SLC16A7: variants seen among roughly 807,000 people sequenced by gnomAD.
The protein encoded by SLC16A7 is monocarboxylate transporter 2.
Under a neutral mutation model 34.9 loss-of-function variants are expected in SLC16A7, and 33 were observed. The observed-to-expected ratio is 0.94, with a 90% confidence interval of 0.72 to 1.26. The LOEUF is 1.26. Among genes scored for constraint, SLC16A7 ranks in the 50% most tolerant of loss-of-function variants. The pLI is 0.00. For missense variants in SLC16A7, 573 were observed against 578.1 expected, an observed-to-expected ratio of 0.99 and a Z score of 0.09; for synonymous variants, 201 against 206.6, an observed-to-expected ratio of 0.97 and a Z score of 0.23.
chr12:59,613,769 A>G (rs1592390979), intron 1 of SLC16A7, among the ~76,000 whole-genome samples: 1 of 152,304 alleles, frequency 6.6e-6, no homozygotes, highest in African/African-American at 2.4e-5. Context: ...AGCATGGAAC[A>G]TCTGTGTTTT....
chr12:59,623,046 CTGTGTGTGTGTGTGTGTGTG>C lies in SLC16A7; in HGVS notation c.-130+26838_-130+26857del, dbSNP rs57399813. ...ATAAATAGCATTTCCCTACTGAATG[CTGTGTGTGTGTGTGTGTGTG>C]TGTGTGTGTGTGTGTGTGTGTGTGT... On this transcript the variant is annotated intron_variant, in intron 1 of 5. Coordinates refer to ENST00000547379, the MANE Select transcript of SLC16A7 (RefSeq NM_001270623.2). 3.0e-5 allele frequency among the ~76,000 whole-genome samples: 4 copies of C among 134,904 alleles called. No homozygotes were observed. The Admixed American group carries it at 3.0e-4, about 10-fold the overall frequency. The allele number at this position is 134,904 out of a possible 152,430, so 88.5% of individuals were successfully genotyped here.
chr12:59,772,465 A>G (rs1882327313), intron 4 of SLC16A7, among the ~76,000 whole-genome samples: 1 of 152,190 alleles, frequency 6.6e-6, no homozygotes, highest in African/African-American at 2.4e-5. Context: ...CACTACAGAT[A>G]TCAATGGCAT....
chr12:59,754,869 G>T (rs140085654), intron 3 of SLC16A7, among the ~76,000 whole-genome samples: 117 of 152,150 alleles, frequency 7.7e-4, no homozygotes, highest in African/African-American at 2.7e-3. Flanking sequence ...TAAAATACTG[G>T]CAAAACGAAT....
chr12:59,672,294 G>GTA (rs1442122511), intron 2 of SLC16A7, among the ~76,000 whole-genome samples: 1 of 121,130 alleles, frequency 8.3e-6, no homozygotes, highest in African/African-American at 2.8e-5. Context: ...ATATATATGT[G>GTA]TATATATATA....
chr12:59,775,331 T>C lies in SLC16A7; in HGVS notation c.1036T>C (p.Phe346Leu). The change falls in exon 5 of 6, where the codon TTT (phenylalanine) becomes CTT (leucine). Residue 346 changes from phenylalanine (F) to leucine (L), a missense_variant. Transcript: ENST00000547379. ...DYTSLVLYAVFFGLGFGSVSS... is the reference protein window; with the variant it reads ...DYTSLVLYAVLFGLGFGSVSS... Reference sequence around the variant, plus strand: ...CACAAGCCTGGTATTATATGCTGTATTTTTTGGCCTTGGATTTGGGAGTGT... The same window carrying C: ...CACAAGCCTGGTATTATATGCTGTACTTTTTGGCCTTGGATTTGGGAGTGT... 1 of 1,614,020 alleles carries C rather than the reference T, an allele frequency of 6.2e-7. No individual in the cohort carries two copies. Among genetic ancestry groups the C allele is most frequent in the South Asian group, 1.1e-5 (1 of 91,088 alleles).
intron 3 of SLC16A7, among the ~76,000 whole-genome samples, chr12:59,746,844 T>C (rs1287018641): frequency 6.6e-6 from 1 of 152,214 alleles, no homozygotes; most frequent in Non-Finnish European, 1.5e-5. Context: ...TGTATGTGTT[T>C]TTGCTTTTGT....
intron 2 of SLC16A7, among the ~76,000 whole-genome samples, chr12:59,691,765 A>G (rs1334603544): frequency 2.6e-5 from 4 of 152,174 alleles, no homozygotes; most frequent in African/African-American, 9.6e-5. Context: ...GTTATATGAT[A>G]TTAACACTTT....
chr12:59,785,168 T>G lies in SLC16A7; in HGVS notation c.*5489T>G, dbSNP rs1883522031. Reference sequence around the variant, plus strand: ...TGCATGATCAAAATTACAAATTATCTTTGTTGATACAATTAAAAATGAGTA... The same window carrying G: ...TGCATGATCAAAATTACAAATTATCGTTGTTGATACAATTAAAAATGAGTA... On this transcript the variant is annotated 3_prime_UTR_variant, in exon 6 of 6. Coordinates refer to ENST00000547379, the MANE Select transcript of SLC16A7 (RefSeq NM_001270623.2). 1 of 152,198 alleles carries G rather than the reference T, an allele frequency of 6.6e-6. No individual in the cohort carries two copies. The highest frequency in any genetic ancestry group is 2.4e-5 in the African/African-American group (1 of 41,454). The allele number at this position is 152,198 out of a possible 1,614,324, so 9.4% of individuals were successfully genotyped here. A position where few individuals can be genotyped will look rare whatever the true frequency, so the allele number is the denominator to read the frequency against.
intron 3 of SLC16A7, among the ~76,000 whole-genome samples, chr12:59,710,417 T>C (rs532034532): frequency 6.6e-6 from 1 of 152,202 alleles, no homozygotes; most frequent in Non-Finnish European, 1.5e-5. Flanking sequence ...GAAATCTGTG[T>C]GTCTCTTCCA....
intron 1 of SLC16A7, among the ~76,000 whole-genome samples, chr12:59,612,295 G>T (rs1300292911): frequency 6.6e-6 from 1 of 152,174 alleles, no homozygotes; most frequent in Non-Finnish European, 1.5e-5. Context: ...CCAAGGCTTG[G>T]GGCTCGCCCT....
rs116271345 is a variant in SLC16A7 at position 59,737,805 on chromosome 12, T to C, written c.217+32787T>C. Reference sequence around the variant, plus strand: ...AACTGATACTTGGGGTATGGTCCTGTTTTTATCCTGTCAACTCTTATACCA... The same window carrying C: ...AACTGATACTTGGGGTATGGTCCTGCTTTTATCCTGTCAACTCTTATACCA... On this transcript the variant is annotated intron_variant, in intron 3 of 5. Coordinates refer to ENST00000547379, the MANE Select transcript of SLC16A7 (RefSeq NM_001270623.2). Among the ~76,000 whole-genome samples the C allele has an allele frequency of 6.6e-3, 1,010 of 152,216 alleles. 13 individuals carry two copies. Among genetic ancestry groups the C allele is most frequent in the African/African-American group, 0.023 (974 of 41,526 alleles).
chr12:59,691,249 C>T (rs1277700115), intron 2 of SLC16A7, among the ~76,000 whole-genome samples: 4 of 152,046 alleles, frequency 2.6e-5, no homozygotes, highest in South Asian at 2.1e-4. Flanking sequence ...ACCAAGCTTG[C>T]GGATTGCAGC....
chr12:59,744,502 T>A (rs1015805103), intron 3 of SLC16A7, among the ~76,000 whole-genome samples: 13 of 152,060 alleles, frequency 8.5e-5, no homozygotes, highest in African/African-American at 2.9e-4. Context: ...GGCAACAAAA[T>A]CCTCCATATT....
chr12:59,662,742 AC>A (rs1223476230), intron 2 of SLC16A7, among the ~76,000 whole-genome samples: 3 of 152,136 alleles, frequency 2.0e-5, no homozygotes, highest in Non-Finnish European at 4.4e-5. Flanking sequence ...TAAAGGTGTT[AC>A]TGTGATTACA....
intron 3 of SLC16A7, among the ~76,000 whole-genome samples, chr12:59,744,927 C>T (rs1305895956): frequency 3.3e-5 from 5 of 152,054 alleles, no homozygotes; most frequent in Admixed American, 6.6e-5. Flanking sequence ...CTGAAGTGGC[C>T]GGCTACATCC....
rs147545376 is a variant in SLC16A7 at position 59,774,776 on chromosome 12, T to A, written c.481T>A (p.Leu161Met). 1 of 1,613,984 alleles carries A rather than the reference T, an allele frequency of 6.2e-7. No individual in the cohort carries two copies. The highest frequency in any genetic ancestry group is 2.2e-5 in the East Asian group (1 of 44,858). ...MAGSPVFLSS[L>M]APFNQYLFNT... Reference sequence around the variant, plus strand: ...AGGAAGTCCTGTTTTCTTAAGTTCATTGGCTCCTTTCAATCAGTACCTTTT... The same window carrying A: ...AGGAAGTCCTGTTTTCTTAAGTTCAATGGCTCCTTTCAATCAGTACCTTTT... Residue 161 changes from leucine (L) to methionine (M), a missense_variant, in exon 5 of 6, where the codon TTG becomes ATG. Coordinates refer to ENST00000547379, the MANE Select transcript of SLC16A7 (RefSeq NM_001270623.2).
chr12:59,778,935 G>A (rs532009537), intron 5 of SLC16A7, among the ~76,000 whole-genome samples: 6 of 152,194 alleles, frequency 3.9e-5, no homozygotes, highest in Non-Finnish European at 2.9e-5. Flanking sequence ...CTAGTATGGG[G>A]CATAGAGAAA....
intron 1 of SLC16A7, among the ~76,000 whole-genome samples, chr12:59,614,701 C>A (rs1879356528): frequency 1.3e-5 from 2 of 150,938 alleles, no homozygotes; most frequent in Admixed American, 6.6e-5. Context: ...AAATGAGGAT[C>A]CAGCCGGGCA....
chr12:59,611,848 C>T (rs1466568776), intron 1 of SLC16A7, among the ~76,000 whole-genome samples: 4 of 152,174 alleles, frequency 2.6e-5, no homozygotes, highest in Admixed American at 2.6e-4. Flanking sequence ...CCTTTGACTC[C>T]ATGTCTCACA....
Sources: allele counts gnomAD v4.1 joint callset (sites outside exome capture counted in the v4.1 genomes callset), GRCh38; gene constraint gnomAD v4.1.1; transcripts MANE v1.5; gene names NCBI Gene and HGNC (gene_info 2026-07-23, HGNC 2026-07-21).